The following CACNG3 variants were observed in gnomAD, a reference collection of about 807,000 sequenced individuals.
CACNG3 encodes calcium voltage-gated channel auxiliary subunit gamma 3, also known as voltage-dependent calcium channel gamma-3 subunit.
Under a neutral mutation model 28.5 loss-of-function variants are expected in CACNG3, and 3 were observed. That is an observed-to-expected ratio of 0.11 (90% CI 0.05 to 0.27). The LOEUF (loss-of-function observed/expected upper bound fraction) is 0.27. CACNG3 is among the 10% of genes least tolerant of loss of function. CACNG3 has a pLI of 1.00. For missense variants in CACNG3, 236 were observed against 414.4 expected (o/e 0.57, Z 3.74); for synonymous variants, 174 against 162.2 (o/e 1.07, Z -0.55).
chr16:24,361,299 C>T lies in CACNG3; in HGVS notation c.437-53C>T, dbSNP rs899173012. The T allele has an allele frequency of 5.4e-6, 7 of 1,304,578 alleles. No individual in the cohort carries two copies. In the Admixed American group the frequency reaches 1.4e-4, roughly 26 times the overall value. The allele number at this position is 1,304,578 out of a possible 1,614,324, so 80.8% of individuals were successfully genotyped here. A position where few individuals can be genotyped will look rare whatever the true frequency, so the allele number is the denominator to read the frequency against. ...ATAAATATTTTAAGATGGAAAGTGA[C>T]AGTTCTCTCCGAGGTGTATAAAGGA... On this transcript the variant is annotated intron_variant, in intron 3 of 3. Coordinates refer to ENST00000005284, the MANE Select transcript of CACNG3 (RefSeq NM_006539.4). This position sits in a 1 kb window ranked among gnomAD's most constrained non-coding sequence, Gnocchi z 6.8.
chr16:24,282,044 G>T (rs1898835605), intron 1 of CACNG3, among the ~76,000 whole-genome samples: 1 of 152,172 alleles, frequency 6.6e-6, no homozygotes, highest in Non-Finnish European at 1.5e-5. Flanking sequence ...ACCATCCTGA[G>T]TTAGGGTAGG....
intron 1 of CACNG3, among the ~76,000 whole-genome samples, chr16:24,283,867 C>T (rs1898861598): frequency 6.6e-6 from 1 of 152,176 alleles, no homozygotes; most frequent in Admixed American, 6.5e-5. Flanking sequence ...AAGTGAATAA[C>T]TCCTCCAGGT....
rs529777182 is a variant in CACNG3, at chr16:24,290,439, G to A, written c.211+33474G>A. Reference sequence around the variant, plus strand: ...GAGAAGCCTGTTCAATTCCATATTTGCAGTGTTTATAACACTGGAAAAGTT... The same window carrying A: ...GAGAAGCCTGTTCAATTCCATATTTACAGTGTTTATAACACTGGAAAAGTT... On this transcript the variant is annotated intron_variant, in intron 1 of 3. Transcript: ENST00000005284. Among the ~76,000 whole-genome samples, 7 of 152,302 alleles carry A rather than the reference G, an allele frequency of 4.6e-5. No homozygotes were observed. In the South Asian group the frequency reaches 1.5e-3, roughly 32 times the overall value.
intron 1 of CACNG3, among the ~76,000 whole-genome samples, chr16:24,319,326 T>C (rs947098764): frequency 1.2e-4 from 18 of 152,204 alleles, no homozygotes; most frequent in African/African-American, 4.1e-4. Flanking sequence ...TGTTTTGAGA[T>C]AGTTATCCTT....
At chr16:24,297,279 T>TA (rs374931703) in intron 1 of CACNG3, among the ~76,000 whole-genome samples, 23 of 121,212 alleles carry the variant, frequency 1.9e-4, no homozygotes, top group African/African-American at 4.6e-4. Context: ...TAAAATAAAA[T>TA]AAATAAATAA....
intron 1 of CACNG3, among the ~76,000 whole-genome samples, chr16:24,292,725 AT>A (rs1229334037): frequency 1.3e-5 from 2 of 152,208 alleles, no homozygotes; most frequent in Non-Finnish European, 2.9e-5. Flanking sequence ...AGGAGGACAA[AT>A]TGTTTAAAAG....
intron 1 of CACNG3, among the ~76,000 whole-genome samples, chr16:24,313,304 G>A (rs901371088): frequency 2.0e-5 from 3 of 152,104 alleles, no homozygotes; most frequent in Admixed American, 2.0e-4. Context: ...ATTTACAGAA[G>A]AGGAAAATGA....
At chr16:24,277,515 C>T (rs535797463) in intron 1 of CACNG3, among the ~76,000 whole-genome samples, 16 of 152,266 alleles carry the variant, frequency 1.1e-4, no homozygotes, top group African/African-American at 3.9e-4. Context: ...TGGCTTACAC[C>T]CGTGATCCCA....
At chr16:24,317,653 AAAG>A (rs1486370660) in intron 1 of CACNG3, among the ~76,000 whole-genome samples, 114 of 60,274 alleles carry the variant, frequency 1.9e-3, no homozygotes, top group Middle Eastern at 7.4e-3. Context: ...AAAAGAAAAG[AAAG>A]AAAGAAAGAA....
At chr16:24,277,851 G>A (rs775166978) in intron 1 of CACNG3, among the ~76,000 whole-genome samples, 14 of 151,720 alleles carry the variant, frequency 9.2e-5, no homozygotes, top group Non-Finnish European at 1.5e-4. Context: ...GATCTAAATT[G>A]ATGTATGTAT....
intron 1 of CACNG3, among the ~76,000 whole-genome samples, chr16:24,302,242 T>C (rs1195011624): frequency 6.6e-6 from 1 of 152,192 alleles, no homozygotes; most frequent in Non-Finnish European, 1.5e-5. Context: ...GGTTGTGCTA[T>C]CCTTCTGCTT....
rs546117411 is a variant in CACNG3, at chr16:24,317,615, A to G, written c.212-29119A>G. Reference sequence around the variant, plus strand: ...GAAAGAAAGAAAGAAAGAAAGAAAGAAAGAAAGAAAGACAGACAGAAAGAA... The same window carrying G: ...GAAAGAAAGAAAGAAAGAAAGAAAGGAAGAAAGAAAGACAGACAGAAAGAA... On this transcript the variant is annotated intron_variant, in intron 1 of 3. Transcript: ENST00000005284. 3.3e-4 allele frequency among the ~76,000 whole-genome samples: 23 copies of G among 70,066 alleles called. 1 individual carries two copies. Among genetic ancestry groups the G allele is most frequent in the Non-Finnish European group, 5.4e-4 (19 of 35,420 alleles). 46.0% of individuals were successfully genotyped at this position (70,066 alleles called of 152,430 possible). A position where few individuals can be genotyped will look rare whatever the true frequency, so the allele number is the denominator to read the frequency against.
chr16:24,323,006 A>G (rs1254735559), intron 1 of CACNG3, among the ~76,000 whole-genome samples: 1 of 152,042 alleles, frequency 6.6e-6, no homozygotes, highest in African/African-American at 2.4e-5. Context: ...TGGGAGGATT[A>G]CTTGTGCTCA....
chr16:24,342,283 A>G (rs1254148658), intron 1 of CACNG3, among the ~76,000 whole-genome samples: 1 of 152,210 alleles, frequency 6.6e-6, no homozygotes, highest in Non-Finnish European at 1.5e-5. Context: ...AAAATAAAAT[A>G]AAAATAAAAT....
At position 24,293,959 on chromosome 16, in the gene CACNG3, T is replaced by A. The variant is rs1898998103; in HGVS notation, c.211+36994T>A. ...CCACATATGAACTGTTTCATTCCAG[T>A]CCCCTTGCTTTTCGTCCCCATCCAT... On this transcript the variant is annotated intron_variant, in intron 1 of 3. Transcript: ENST00000005284. Among the ~76,000 whole-genome samples the A allele has an allele frequency of 2.6e-5, 4 of 152,090 alleles. No individual in the cohort carries two copies. In the South Asian group the frequency reaches 8.3e-4, roughly 32 times the overall value.
Position 24,322,596 on chromosome 16 carries a change from A to G in CACNG3, c.212-24138A>G, listed in dbSNP as rs1225227269. Reference sequence around the variant, plus strand: ...TACAAGAAAATGGAGCCAAAAAGAAAAAAAAAGTAAAACTCCCTCCTAAAG... The same window carrying G: ...TACAAGAAAATGGAGCCAAAAAGAAGAAAAAAGTAAAACTCCCTCCTAAAG... On this transcript the variant is annotated intron_variant, in intron 1 of 3. Transcript: ENST00000005284. Among the ~76,000 whole-genome samples the G allele has an allele frequency of 6.6e-5, 10 of 152,174 alleles. No individual in the cohort carries two copies. The East Asian group carries it at 1.9e-3, about 29-fold the overall frequency.
chr16:24,319,287 T>C (rs985563319), intron 1 of CACNG3, among the ~76,000 whole-genome samples: 1 of 152,182 alleles, frequency 6.6e-6, no homozygotes, highest in South Asian at 2.1e-4. Flanking sequence ...CAAAGGTTTT[T>C]AAAGGAAAAA....
intron 1 of CACNG3, among the ~76,000 whole-genome samples, chr16:24,319,477 G>A (rs745550974): frequency 6.6e-6 from 1 of 152,164 alleles, no homozygotes; most frequent in African/African-American, 2.4e-5. Context: ...TGCAAGAGAA[G>A]AGGTCTTGCT....
chr16:24,291,837 G>T (rs749110443), intron 1 of CACNG3, among the ~76,000 whole-genome samples: 1 of 152,128 alleles, frequency 6.6e-6, no homozygotes. Flanking sequence ...TGCATTCTAC[G>T]GGGCATACAG....
Sources: gnomAD v4.1 joint callset for allele counts (sites outside exome capture counted in the v4.1 genomes callset) on GRCh38, gnomAD v4.1.1 for gene constraint, Gnocchi (gnomAD v3.1) non-coding constraint, MANE v1.5 for transcripts, NCBI Gene and HGNC (gene_info 2026-07-23, HGNC 2026-07-21) for gene names.